GNG11: variants seen among roughly 807,000 people sequenced by gnomAD.
GNG11 encodes the protein guanine nucleotide-binding protein G(I)/G(S)/G(O) subunit gamma-11.
GNG11 carries 6 observed loss-of-function variants against 7.4 expected under a neutral mutation model. The observed-to-expected ratio is 0.81, with a 90% confidence interval of 0.44 to 1.60. GNG11 has a LOEUF of 1.60. Among genes scored for constraint, GNG11 ranks in the 40% most tolerant of loss-of-function variants. The pLI, the probability that GNG11 is intolerant of heterozygous loss-of-function variation, is 0.01. For missense variants in GNG11, 65 were observed against 83.0 expected (o/e 0.78, Z 0.84); for synonymous variants, 31 against 25.9 (o/e 1.20, Z -0.60).
chr7:93,928,422 T>C lies in GNG11; in HGVS notation c.*2206T>C, dbSNP rs938977516. The C allele has an allele frequency of 1.3e-5, 2 of 152,152 alleles. No individual in the cohort carries two copies. The highest frequency in any genetic ancestry group is 2.9e-5 in the Non-Finnish European group (2 of 68,028). The allele number at this position is 152,152 out of a possible 1,614,324, so 9.4% of individuals were successfully genotyped here. On this transcript the variant is annotated 3_prime_UTR_variant, in exon 2 of 2. Transcript: ENST00000248564. The stretch of plus-strand genomic sequence containing the variant: ...TAAAAATATTTTAATTTTCAACTGT[T>C]CAACTGCTAAAATTATTAGCTTGTA...
chr7:93,926,069 C>A (rs536655000), intron 1 of GNG11, 22 bp from the exon 2 acceptor site: 8 of 1,430,052 alleles, frequency 5.6e-6, no homozygotes, highest in African/African-American at 4.3e-5. Context: ...CTAATGTATT[C>A]TCTTTTTTTT....
chr7:93,922,695 G>C (rs1025988121), intron 1 of GNG11, among the ~76,000 whole-genome samples: 3 of 152,142 alleles, frequency 2.0e-5, no homozygotes, highest in Admixed American at 1.3e-4. Flanking sequence ...GATATGCAAA[G>C]AACAGTCCAC....
At position 93,925,769 on chromosome 7, in the gene GNG11, A is replaced by G. The variant is rs150065873; in HGVS notation, c.97-322A>G. Among the ~76,000 whole-genome samples, 493 of 152,272 alleles carry G rather than the reference A, an allele frequency of 3.2e-3. 2 individuals carry two copies. Among genetic ancestry groups the G allele is most frequent in the Non-Finnish European group, 5.4e-3 (365 of 68,012 alleles). Reference sequence around the variant, plus strand: ...AAGGAAATCATATGAGACACAATGGAAAAAAACTGCTGGAGATGATTTATT... The same window carrying G: ...AAGGAAATCATATGAGACACAATGGGAAAAAACTGCTGGAGATGATTTATT... On this transcript the variant is annotated intron_variant, in intron 1 of 1. Coordinates refer to ENST00000248564, the MANE Select transcript of GNG11 (RefSeq NM_004126.4).
At position 93,922,000 on chromosome 7, in the gene GNG11, C is replaced by T; in HGVS notation, c.-138C>T. ...AGCCAAGCCCTCGGGGAGCTGGGGA[C>T]CGCAGCAGGGCTGCAGTCACATCCT... On this transcript the variant is annotated 5_prime_UTR_variant, in exon 1 of 2. Transcript: ENST00000248564. 4.0e-6 allele frequency: 2 copies of T among 504,444 alleles called. No individual in the cohort carries two copies. The highest frequency in any genetic ancestry group is 7.2e-6 in the Non-Finnish European group (2 of 277,304). 31.2% of individuals were successfully genotyped at this position (504,444 alleles called of 1,614,324 possible).
rs147198204 is a variant in GNG11 at position 93,926,113 on chromosome 7, T to C, written c.119T>C (p.Ile40Thr). Residue 40 changes from isoleucine to threonine, a missense_variant, in exon 2 of 2, where the codon ATA becomes ACA. Coordinates refer to ENST00000248564, the MANE Select transcript of GNG11 (RefSeq NM_004126.4). ...AAGGTGTCTAAATGTTCTGAAGAAA[T>C]AAAGAACTATATTGAAGAACGTTCT... ...RQQVSKCSEE[I>T]KNYIEERSGE... 4.4e-5 allele frequency: 67 copies of C among 1,528,090 alleles called. No individual in the cohort carries two copies. Among genetic ancestry groups the C allele is most frequent in the Non-Finnish European group, 5.7e-5 (64 of 1,124,450 alleles). 94.7% of individuals were successfully genotyped at this position (1,528,090 alleles called of 1,614,324 possible).
At chr7:93,922,937 C>T (rs1248142619) in intron 1 of GNG11, among the ~76,000 whole-genome samples, 1 of 151,982 alleles carries the variant, frequency 6.6e-6, no homozygotes, top group East Asian at 1.9e-4. Flanking sequence ...ACATATGACC[C>T]AGTATTCAAT....
In GNG11 at chr7:93,921,978, C is replaced by T. The variant is rs1794616669; in HGVS notation, c.-160C>T. On this transcript the variant is annotated 5_prime_UTR_variant, in exon 1 of 2. Coordinates refer to ENST00000248564, the MANE Select transcript of GNG11 (RefSeq NM_004126.4). ...GCGTGACAAGCGTCCCGGAGAAAGC[C>T]AAGCCCTCGGGGAGCTGGGGACCGC... is the stretch of plus-strand genomic sequence containing the variant. 2.1e-6 allele frequency: 1 copy of T among 484,914 alleles called. No individual in the cohort carries two copies. The highest frequency in any genetic ancestry group is 3.8e-6 in the Non-Finnish European group (1 of 264,064). 30.0% of individuals were successfully genotyped at this position (484,914 alleles called of 1,614,324 possible). A position where few individuals can be genotyped will look rare whatever the true frequency, so the allele number is the denominator to read the frequency against.
intron 1 of GNG11, 51 bp downstream of exon 1, chr7:93,922,284 G>T: frequency 9.3e-7 from 1 of 1,079,200 alleles, no homozygotes; most frequent in East Asian, 2.6e-5. Flanking sequence ...AGCAGGGTCC[G>T]ATTTTTCCTG....
At position 93,922,106 on chromosome 7, in the gene GNG11, A is replaced by C. The variant is rs761481283; in HGVS notation, c.-32A>C. The stretch of plus-strand genomic sequence containing the variant: ...CCGCTCTTCCAGCGGCTCCGCTGCC[A>C]GAGCTAGCCCGAGCCCGGTTCTGGG... On this transcript the variant is annotated 5_prime_UTR_variant, in exon 1 of 2. Coordinates refer to ENST00000248564, the MANE Select transcript of GNG11 (RefSeq NM_004126.4). 94 of 1,391,540 alleles carry C rather than the reference A, an allele frequency of 6.8e-5. No homozygotes were observed. The highest frequency in any genetic ancestry group is 2.0e-4 in the Middle Eastern group (1 of 5,040). 86.2% of individuals were successfully genotyped at this position (1,391,540 alleles called of 1,614,324 possible).
intron 1 of GNG11, among the ~76,000 whole-genome samples, chr7:93,923,583 C>A (rs1179821542): frequency 1.3e-5 from 2 of 152,194 alleles, no homozygotes; most frequent in Non-Finnish European, 2.9e-5. Context: ...TTAGGAGTTA[C>A]ATATTAAACA....
Position 93,922,861 on chromosome 7 carries a change from A to T in GNG11, c.96+628A>T, listed in dbSNP as rs534862735. The stretch of plus-strand genomic sequence containing the variant: ...ACATACACTGTGGTGCATATGAAAA[A>T]TTTTTTTAGTGATCACAATTTTAAA... On this transcript the variant is annotated intron_variant, in intron 1 of 1. Transcript: ENST00000248564. 7.9e-5 allele frequency among the ~76,000 whole-genome samples: 12 copies of T among 152,230 alleles called. No individual in the cohort carries two copies. The South Asian group carries it at 1.7e-3, about 21-fold the overall frequency.
intron 1 of GNG11, among the ~76,000 whole-genome samples, chr7:93,924,155 A>C (rs928749483): frequency 1.3e-5 from 2 of 152,178 alleles, no homozygotes; most frequent in Non-Finnish European, 2.9e-5. Flanking sequence ...TAAATAGTTA[A>C]CATCTGGGCT....
Position 93,926,859 on chromosome 7 carries a change from G to C in GNG11, c.*643G>C, listed in dbSNP as rs1336359378. ...AGATCTTCTTAATAGTGTTCCTGTAGTAGTAGCCTTGAAGAAAATACTGAG... is the reference window on the plus strand; with the variant it reads ...AGATCTTCTTAATAGTGTTCCTGTACTAGTAGCCTTGAAGAAAATACTGAG... On this transcript the variant is annotated 3_prime_UTR_variant, in exon 2 of 2. Transcript: ENST00000248564. The C allele has an allele frequency of 2.0e-5, 3 of 152,310 alleles. No individual in the cohort carries two copies. The highest frequency in any genetic ancestry group is 4.4e-5 in the Non-Finnish European group (3 of 68,096). 9.4% of individuals were successfully genotyped at this position (152,310 alleles called of 1,614,324 possible). A position where few individuals can be genotyped will look rare whatever the true frequency, so the allele number is the denominator to read the frequency against.
chr7:93,922,282 C>A (rs1339149364), intron 1 of GNG11, 49 bp downstream of exon 1: 3 of 1,093,232 alleles, frequency 2.7e-6, no homozygotes. Flanking sequence ...GAAGCAGGGT[C>A]CGATTTTTCC....
Position 93,921,949 on chromosome 7 carries a change from G to A in GNG11, c.-189G>A, listed in dbSNP as rs1476318099. Reference sequence around the variant, plus strand: ...CTCAGGTCCTAGGAAGCTGGGGCACGCTGGCGTGACAAGCGTCCCGGAGAA... The same window carrying A: ...CTCAGGTCCTAGGAAGCTGGGGCACACTGGCGTGACAAGCGTCCCGGAGAA... On this transcript the variant is annotated 5_prime_UTR_variant, in exon 1 of 2. Transcript: ENST00000248564. 7 of 470,004 alleles carry A rather than the reference G, an allele frequency of 1.5e-5. No individual in the cohort carries two copies. In the South Asian group the frequency reaches 2.1e-4, roughly 14 times the overall value. 29.1% of individuals were successfully genotyped at this position (470,004 alleles called of 1,614,324 possible).
At position 93,928,541 on chromosome 7, in the gene GNG11, T is replaced by C. The variant is rs948401791; in HGVS notation, c.*2325T>C. The C allele has an allele frequency of 1.3e-5, 2 of 152,248 alleles. No individual in the cohort carries two copies. Among genetic ancestry groups the C allele is most frequent in the Non-Finnish European group, 2.9e-5 (2 of 68,038 alleles). 9.4% of individuals were successfully genotyped at this position (152,248 alleles called of 1,614,324 possible). On this transcript the variant is annotated 3_prime_UTR_variant, in exon 2 of 2. Transcript: ENST00000248564. Reference sequence around the variant, plus strand: ...AATTTGTTAAGTAGAATTTAAATTATGTATCCAATTTATTCAAAGTGTATA... The same window carrying C: ...AATTTGTTAAGTAGAATTTAAATTACGTATCCAATTTATTCAAAGTGTATA...
Position 93,922,228 on chromosome 7 carries a change from C to T in GNG11, c.91C>T (p.Gln31Ter). The change falls in exon 1 of 2, where the codon CAA (glutamine) becomes TAA (stop). Residue 31 changes from glutamine (Q) to a stop codon, truncating the protein, a stop_gained. Transcript: ENST00000248564. LOFTEE classifies it high-confidence loss of function. ...QLRKEVKLQRQQVSKCSEEIK... is the reference protein window; with the variant it reads ...QLRKEVKLQR ...TCGCAAAGAAGTGAAGTTGCAGAGA[C>T]AACAAGTAAGTTGGCTGTTCCGGAA... The T allele has an allele frequency of 6.4e-7, 1 of 1,565,570 alleles. No individual in the cohort carries two copies. The highest frequency in any genetic ancestry group is 1.3e-5 in the African/African-American group (1 of 74,136).
At chr7:93,925,804 G>A (rs1165926584) in intron 1 of GNG11, among the ~76,000 whole-genome samples, 1 of 152,046 alleles carries the variant, frequency 6.6e-6, no homozygotes, top group Non-Finnish European at 1.5e-5. Flanking sequence ...TTAATGCAGT[G>A]ACTTTCAAAC....
intron 1 of GNG11, among the ~76,000 whole-genome samples, chr7:93,923,952 G>A (rs970537172): frequency 6.6e-6 from 1 of 152,036 alleles, no homozygotes; most frequent in Non-Finnish European, 1.5e-5. Flanking sequence ...TATACACTTG[G>A]AATTATACAT....
Sources: allele counts gnomAD v4.1 joint callset (sites outside exome capture counted in the v4.1 genomes callset), GRCh38; gene constraint gnomAD v4.1.1; transcripts MANE v1.5; gene names NCBI Gene and HGNC (gene_info 2026-07-23, HGNC 2026-07-21).